The following APBA1 variants were observed in gnomAD, a reference collection of about 807,000 sequenced individuals.
APBA1 encodes amyloid beta precursor protein binding family A member 1, also known as amyloid-beta A4 precursor protein-binding family A member 1.
APBA1 carries 55 observed loss-of-function variants against 86.6 expected under a neutral mutation model. The observed-to-expected ratio is 0.64, with a 90% CI of 0.51 to 0.80. The LOEUF (loss-of-function observed/expected upper bound fraction) is 0.80, where lower values mean the gene tolerates loss of function less well. Among genes scored for constraint, APBA1 ranks in the 30% least tolerant of loss-of-function variants. APBA1 has a pLI of 0.00. For synonymous variants in APBA1, 511 were observed against 493.9 expected (o/e 1.03, Z -0.46); for missense variants, 1,090 against 1,183.0 (o/e 0.92, Z 1.15).
chr9:69,501,607 T>TA (rs1439654348), intron 2 of APBA1, among the ~76,000 whole-genome samples: 1 of 148,736 alleles, frequency 6.7e-6, no homozygotes, highest in East Asian at 2.0e-4. Flanking sequence ...CTGGGCAACA[T>TA]AACAAGACTC....
At chr9:69,460,217 C>G (rs1204744811) in intron 5 of APBA1, among the ~76,000 whole-genome samples, 1 of 152,234 alleles carries the variant, frequency 6.6e-6, no homozygotes, top group African/African-American at 2.4e-5. Context: ...GGCAACCACA[C>G]TCCCACACAG....
chr9:69,652,599 A>G (rs1307303284), intron 1 of APBA1, among the ~76,000 whole-genome samples: 1 of 152,220 alleles, frequency 6.6e-6, no homozygotes, highest in Non-Finnish European at 1.5e-5. Flanking sequence ...TAAGTAACCA[A>G]AGGGCAGTAG....
intron 2 of APBA1, among the ~76,000 whole-genome samples, chr9:69,506,266 G>C (rs2133877870): frequency 6.6e-6 from 1 of 151,538 alleles, no homozygotes; most frequent in East Asian, 2.0e-4. Context: ...GAAGTGCAAG[G>C]GGTCAGGGAG....
intron 1 of APBA1, among the ~76,000 whole-genome samples, chr9:69,666,179 G>A (rs907636207): frequency 6.6e-6 from 1 of 152,162 alleles, no homozygotes; most frequent in African/African-American, 2.4e-5. Flanking sequence ...TTCCCTAAGT[G>A]ACTGCTCCAG....
chr9:69,476,839 T>C (rs920839825), intron 2 of APBA1, among the ~76,000 whole-genome samples: 4 of 152,196 alleles, frequency 2.6e-5, no homozygotes, highest in Non-Finnish European at 5.9e-5. Flanking sequence ...TGGTATTGCC[T>C]GGGCTGATGG....
At chr9:69,456,552 T>C in intron 7 of APBA1, 120 bp from the exon 8 acceptor site, 1 of 1,049,842 alleles carries the variant, frequency 9.5e-7, no homozygotes. Context: ...CAGGGCTCAC[T>C]GCAAAGCCCA....
intron 1 of APBA1, among the ~76,000 whole-genome samples, chr9:69,518,718 A>G (rs1836206599): frequency 1.3e-5 from 2 of 152,148 alleles, no homozygotes; most frequent in Non-Finnish European, 2.9e-5. Flanking sequence ...AAATGGACAC[A>G]ATGGATGGGA....
intron 1 of APBA1, among the ~76,000 whole-genome samples, chr9:69,658,310 CTT>C (rs1491298069): frequency 0.016 from 967 of 61,684 alleles, 30 homozygotes; most frequent in South Asian, 0.048. Flanking sequence ...CTCTCTCTTT[CTT>C]TCTTTCTTTC....
At position 69,428,125 on chromosome 9, in the gene APBA1, G is replaced by A. The variant is rs573640245; in HGVS notation, c.*3202C>T. 1.3e-5 allele frequency: 2 copies of A among 152,296 alleles called. No individual in the cohort carries two copies. The highest frequency in any genetic ancestry group is 3.9e-4 in the East Asian group (2 of 5,176). The allele number at this position is 152,296 out of a possible 1,614,324, so 9.4% of individuals were successfully genotyped here. A position where few individuals can be genotyped will look rare whatever the true frequency, so the allele number is the denominator to read the frequency against. ...CCCCTGGTTGTAAACATTGGTAACG[G>A]CTACACCACTGGGTCGAGGGACCCG... is the stretch of plus-strand genomic sequence containing the variant. On this transcript the variant is annotated 3_prime_UTR_variant, in exon 13 of 13. Coordinates refer to ENST00000265381, the MANE Select transcript of APBA1 (RefSeq NM_001163.4).
At chr9:69,570,960 C>T (rs775360712) in intron 1 of APBA1, among the ~76,000 whole-genome samples, 2 of 152,050 alleles carry the variant, frequency 1.3e-5, no homozygotes, top group East Asian at 1.9e-4. Context: ...AAGTCTATTC[C>T]GGTTTTTATC....
chr9:69,516,114 C>G lies in APBA1; in HGVS notation c.1097G>C (p.Arg366Pro), dbSNP rs750009546. 1.9e-6 allele frequency: 3 copies of G among 1,613,540 alleles called. No homozygotes were observed. Among genetic ancestry groups the G allele is most frequent in the South Asian group, 1.1e-5 (1 of 91,070 alleles). ...GGGCTCGTCGGGGGTGTAAGGCGAACGGATGGTCCTGGTTTTCACCTCCTC... is the reference window on the plus strand; with the variant it reads ...GGGCTCGTCGGGGGTGTAAGGCGAAGGGATGGTCCTGGTTTTCACCTCCTC... ...AIEEVKTRTI[R>P]SPYTPDEPKE... Residue 366 changes from arginine (R) to proline (P), a missense_variant, in exon 2 of 13, where the codon CGT becomes CCT. Around this residue, in one of 6 missense-constraint regions of APBA1, gnomAD observed 678 missense variants for 647.1 expected, o/e 1.05. Transcript: ENST00000265381. The surrounding 1 kb of genome is among the most constrained non-coding windows in gnomAD (Gnocchi z 7.3).
At chr9:69,644,748 G>T (rs1304598300) in intron 1 of APBA1, among the ~76,000 whole-genome samples, 1 of 152,158 alleles carries the variant, frequency 6.6e-6, no homozygotes, top group Admixed American at 6.5e-5. Context: ...GGAAAGCCAG[G>T]GTCCTAATGG....
chr9:69,650,195 C>G (rs1008788860), intron 1 of APBA1, among the ~76,000 whole-genome samples: 2 of 152,212 alleles, frequency 1.3e-5, no homozygotes, highest in African/African-American at 4.8e-5. Context: ...CTTAACCTCT[C>G]TGCTTCAGTG....
At chr9:69,606,479 CTTTTTT>C (rs35083481) in intron 1 of APBA1, among the ~76,000 whole-genome samples, 5 of 50,874 alleles carry the variant, frequency 9.8e-5, no homozygotes, top group Non-Finnish European at 1.8e-4. Flanking sequence ...AGGGAGCTAG[CTTTTTT>C]TTTTTTTTTT....
chr9:69,549,827 T>C (rs1363540818), intron 1 of APBA1, among the ~76,000 whole-genome samples: 1 of 152,218 alleles, frequency 6.6e-6, no homozygotes. Context: ...AGAGGAGATA[T>C]AATTTTCTAA....
At chr9:69,564,234 A>G (rs1836991435) in intron 1 of APBA1, among the ~76,000 whole-genome samples, 1 of 152,202 alleles carries the variant, frequency 6.6e-6, no homozygotes, top group South Asian at 2.1e-4. Flanking sequence ...CTCTGCAGCA[A>G]TGCTTTGAAA....
intron 1 of APBA1, among the ~76,000 whole-genome samples, chr9:69,610,162 T>C (rs902718476): frequency 1.3e-5 from 2 of 151,752 alleles, no homozygotes; most frequent in Non-Finnish European, 2.9e-5. Context: ...CACAAAAAAA[T>C]TTTTTTAATT....
At chr9:69,543,347 C>T (rs905929232) in intron 1 of APBA1, among the ~76,000 whole-genome samples, 2 of 150,998 alleles carry the variant, frequency 1.3e-5, no homozygotes, top group African/African-American at 4.9e-5. Flanking sequence ...GTTTTGGTTC[C>T]CTACTCTGGG....
intron 1 of APBA1, among the ~76,000 whole-genome samples, chr9:69,520,213 T>C (rs563128850): frequency 6.6e-6 from 1 of 151,842 alleles, no homozygotes; most frequent in African/African-American, 2.4e-5. Flanking sequence ...TGCTTAGGTT[T>C]ATCCCTACAC....
Sources: allele counts gnomAD v4.1 joint callset (sites outside exome capture counted in the v4.1 genomes callset), GRCh38; gene constraint gnomAD v4.1.1; regional missense constraint gnomAD v4.1.1; non-coding constraint Gnocchi (gnomAD v3.1); transcripts MANE v1.5; gene names NCBI Gene and HGNC (gene_info 2026-07-23, HGNC 2026-07-21).